Variants in ST7 observed in about 807,000 individuals in gnomAD.
The protein encoded by ST7 is suppressor of tumorigenicity 7 protein.
In ST7, 28 loss-of-function variants were observed where a neutral mutation model predicts 78.7. The observed-to-expected ratio is 0.36, with a 90% CI of 0.26 to 0.49. ST7 has a LOEUF of 0.49. ST7 is among the 20% of genes least tolerant of loss of function. ST7 has a pLI of 0.99. For synonymous variants in ST7, 247 were observed against 249.6 expected (o/e 0.99, Z 0.10); for missense variants, 418 against 696.0 (o/e 0.60, Z 4.49).
Position 117,126,734 on chromosome 7 carries a change from GA to G in ST7, c.395-3051del, listed in dbSNP as rs977948075. On this transcript the variant is annotated intron_variant, in intron 3 of 15. Transcript: ENST00000323984. ...GTAGGGAATAGTGAGAGGGAGGGCT[GA>G]AAAAAAAGGATTAGAGCTTGCTTTT... is the stretch of plus-strand genomic sequence containing the variant. 1.3e-4 allele frequency among the ~76,000 whole-genome samples: 19 copies of G among 151,060 alleles called. No individual in the cohort carries two copies. The South Asian group carries it at 2.3e-3, about 18-fold the overall frequency.
At chr7:117,129,605 T>G (rs1270304485) in intron 3 of ST7, among the ~76,000 whole-genome samples, 188 bp from the exon 4 acceptor site, 3 of 151,880 alleles carry the variant, frequency 2.0e-5, no homozygotes, top group Non-Finnish European at 4.4e-5. Context: ...GGCAAAACTT[T>G]CCAAAGTCCC....
At chr7:117,051,432 C>G (rs527416710) in intron 1 of ST7, among the ~76,000 whole-genome samples, 59 of 152,054 alleles carry the variant, frequency 3.9e-4, no homozygotes, top group Non-Finnish European at 7.4e-4. Context: ...GTGCAGAAGC[C>G]CTGAGAGGGA....
At chr7:116,988,358 CACTG>C (rs1794274607) in intron 1 of ST7, among the ~76,000 whole-genome samples, 1 of 152,120 alleles carries the variant, frequency 6.6e-6, no homozygotes, top group Non-Finnish European at 1.5e-5. Context: ...TTTAAAATGA[CACTG>C]AGGGATATTT....
chr7:116,996,443 C>T (rs536764074), intron 1 of ST7, among the ~76,000 whole-genome samples: 1 of 152,292 alleles, frequency 6.6e-6, no homozygotes, highest in South Asian at 2.1e-4. Flanking sequence ...CTGGGAAACA[C>T]TGTCTAGGAA....
chr7:117,213,574 G>C (rs1335272717), intron 13 of ST7, among the ~76,000 whole-genome samples: 1 of 151,358 alleles, frequency 6.6e-6, no homozygotes. Context: ...TCCCATTTTT[G>C]ATAAAACCCC....
At chr7:117,209,035 C>G (rs925349183) in intron 12 of ST7, among the ~76,000 whole-genome samples, 5 of 151,974 alleles carry the variant, frequency 3.3e-5, no homozygotes, top group Admixed American at 6.6e-5. Context: ...TGCTCCCTAT[C>G]TATCCTATAG....
intron 1 of ST7, among the ~76,000 whole-genome samples, chr7:117,010,784 A>G (rs1795353175): frequency 6.6e-6 from 1 of 152,214 alleles, no homozygotes; most frequent in South Asian, 2.1e-4. Flanking sequence ...GCGATGTAAG[A>G]TATTATGATA....
intron 6 of ST7, 118 bp downstream of exon 6, chr7:117,132,078 G>C: frequency 9.5e-7 from 1 of 1,049,024 alleles, no homozygotes; most frequent in Admixed American, 2.4e-5. Context: ...ATTATTTGGG[G>C]AGTTATTACT....
intron 1 of ST7, among the ~76,000 whole-genome samples, chr7:117,084,093 A>G (rs146376512): frequency 0.012 from 1,897 of 152,356 alleles, 17 homozygotes; most frequent in Non-Finnish European, 0.018. Flanking sequence ...TAGTTCAGGC[A>G]CAGGCTAAGA....
chr7:117,186,149 T>C (rs1185579753), intron 10 of ST7, among the ~76,000 whole-genome samples: 2 of 152,220 alleles, frequency 1.3e-5, no homozygotes, highest in Non-Finnish European at 2.9e-5. Context: ...ACATGATTCA[T>C]TCTTGCTGTA....
chr7:117,078,395 A>T (rs1407900508), intron 1 of ST7, among the ~76,000 whole-genome samples: 1 of 152,252 alleles, frequency 6.6e-6, no homozygotes, highest in Non-Finnish European at 1.5e-5. Flanking sequence ...TTAGTTGCTA[A>T]TTAATCCATA....
At chr7:117,141,945 C>T (rs563653552) in intron 9 of ST7, among the ~76,000 whole-genome samples, 2 of 152,224 alleles carry the variant, frequency 1.3e-5, no homozygotes, top group South Asian at 4.2e-4. Flanking sequence ...TCTGAGATTA[C>T]TGGCCTTGCA....
intron 1 of ST7, among the ~76,000 whole-genome samples, chr7:117,017,318 G>A (rs1248855459): frequency 1.3e-5 from 2 of 152,204 alleles, no homozygotes; most frequent in Non-Finnish European, 2.9e-5. Context: ...GATGCCTAGA[G>A]TGTAGAACAG....
At chr7:117,017,507 T>G (rs1254934043) in intron 1 of ST7, among the ~76,000 whole-genome samples, 1 of 148,296 alleles carries the variant, frequency 6.7e-6, no homozygotes, top group East Asian at 1.9e-4. Flanking sequence ...GTTGCTAACT[T>G]TATCTAGAAA....
intron 1 of ST7, among the ~76,000 whole-genome samples, chr7:117,018,030 G>C (rs1795698850): frequency 6.6e-6 from 1 of 151,992 alleles, no homozygotes; most frequent in Admixed American, 6.5e-5. Context: ...GTAAATATAG[G>C]CCCTCAGAAA....
At chr7:117,033,163 A>C (rs994421391) in intron 1 of ST7, among the ~76,000 whole-genome samples, 1 of 152,230 alleles carries the variant, frequency 6.6e-6, no homozygotes, top group Non-Finnish European at 1.5e-5. Flanking sequence ...GAAGATTTCC[A>C]TACCAGGAAC....
chr7:117,152,571 T>C (rs1806374197), intron 9 of ST7, among the ~76,000 whole-genome samples: 1 of 152,188 alleles, frequency 6.6e-6, no homozygotes, highest in Non-Finnish European at 1.5e-5. Flanking sequence ...ATTACAGGTA[T>C]AGATTTCTCT....
intron 1 of ST7, among the ~76,000 whole-genome samples, chr7:117,070,950 A>G (rs996884313): frequency 1.3e-5 from 2 of 152,000 alleles, no homozygotes; most frequent in Non-Finnish European, 2.9e-5. Context: ...CTAAAAAACT[A>G]TATTCCAGCC....
chr7:117,113,995 C>A (rs953370634), intron 2 of ST7, among the ~76,000 whole-genome samples: 19 of 152,116 alleles, frequency 1.2e-4, no homozygotes, highest in Admixed American at 1.3e-4. Context: ...GGGGATGGAC[C>A]ATTGGCTGTT....
Sources: gnomAD v4.1 joint callset for allele counts (sites outside exome capture counted in the v4.1 genomes callset) on GRCh38, gnomAD v4.1.1 for gene constraint, MANE v1.5 for transcripts, NCBI Gene and HGNC (gene_info 2026-07-23, HGNC 2026-07-21) for gene names.